KDM5A: variants seen among roughly 807,000 people sequenced by gnomAD.
KDM5A encodes the protein lysine demethylase 5A.
Under a neutral mutation model 193.5 loss-of-function variants are expected in KDM5A, and 42 were observed. The ratio of observed to expected loss-of-function variants is 0.22; its 90% CI spans 0.17 to 0.28. The LOEUF is 0.28. Ranked by LOEUF, KDM5A falls within the 10% of genes least tolerant of loss-of-function variation. The pLI, the probability that KDM5A is intolerant of heterozygous loss-of-function variation, is 1.00. For synonymous variants in KDM5A, 796 were observed against 718.1 expected, an observed-to-expected ratio of 1.11 and a Z score of -1.73; for missense variants, 1,692 against 2,055.1, an observed-to-expected ratio of 0.82 and a Z score of 3.42.
In KDM5A at chr12:354,069, C is replaced by G. The variant is rs745786409; in HGVS notation, c.1029+7G>C. 1.2e-6 allele frequency: 2 copies of G among 1,611,236 alleles called. No individual in the cohort carries two copies. Among genetic ancestry groups the G allele is most frequent in the South Asian group, 2.2e-5 (2 of 91,030 alleles). On this transcript the variant is annotated splice_region_variant and intron_variant, in intron 8 of 27. Transcript: ENST00000399788. ...TAAAAAAGGATCCATAGAGGTTAGA[C>G]GTGTACCTCGGCGACACATTTAGGA...
chr12:377,931 A>T (rs1944528125), intron 3 of KDM5A, among the ~76,000 whole-genome samples: 1 of 152,236 alleles, frequency 6.6e-6, no homozygotes, highest in African/African-American at 2.4e-5. Flanking sequence ...GGGTAGAAGC[A>T]TACTGAGAGA....
chr12:371,695 A>G (rs1333508355), intron 3 of KDM5A, among the ~76,000 whole-genome samples: 1 of 152,078 alleles, frequency 6.6e-6, no homozygotes, highest in African/African-American at 2.4e-5. Flanking sequence ...CTATGTCCTG[A>G]ATGGTACTGC....
In KDM5A at chr12:285,572, A is replaced by G; in HGVS notation, c.4957T>C (p.Tyr1653His). The change falls in exon 28 of 28, where the codon TAC becomes CAC. Residue 1653 changes from tyrosine to histidine, a missense_variant. This residue lies in a region of KDM5A where 23 missense variants were observed against 61.5 expected (regional missense o/e 0.37). Coordinates refer to ENST00000399788, the MANE Select transcript of KDM5A (RefSeq NM_001042603.3). ...VSPEMAENED[Y>H]ICINCAKKQG... ...TTCTTTGCACAGTTTATACAGATGT[A>G]ATCTTCATTTTCAGCCATTTCTGGA... is the stretch of plus-strand genomic sequence containing the variant. The G allele has an allele frequency of 6.2e-7, 1 of 1,614,044 alleles. No homozygotes were observed.
chr12:310,703 G>C (rs1463244403), intron 21 of KDM5A, among the ~76,000 whole-genome samples, 182 bp downstream of exon 21: 4 of 152,180 alleles, frequency 2.6e-5, no homozygotes, highest in African/African-American at 9.6e-5. Context: ...GCTTTTTCTA[G>C]GGACAGCACA....
At chr12:314,112 A>C (rs1943621874) in intron 19 of KDM5A, among the ~76,000 whole-genome samples, 1 of 152,172 alleles carries the variant, frequency 6.6e-6, no homozygotes, top group Non-Finnish European at 1.5e-5. Flanking sequence ...GAAATCGTTC[A>C]TCATCCATGA....
At chr12:364,503 C>T (rs952970424) in intron 4 of KDM5A, among the ~76,000 whole-genome samples, 3 of 144,718 alleles carry the variant, frequency 2.1e-5, no homozygotes, top group East Asian at 4.3e-4. Flanking sequence ...TACACATAAA[C>T]GGCCGGGCGC....
Position 284,043 on chromosome 12 carries a change from A to G in KDM5A, c.*1413T>C, listed in dbSNP as rs1943187043. On this transcript the variant is annotated 3_prime_UTR_variant, in exon 28 of 28. Transcript: ENST00000399788. ...ACACACAAAGGACATATAATTATCT[A>G]TATGAACAAAAGCAAAATGGAAGAT... is the stretch of plus-strand genomic sequence containing the variant. 4.3e-6 allele frequency: 1 copy of G among 233,094 alleles called. No individual in the cohort carries two copies. 14.4% of individuals were successfully genotyped at this position (233,094 alleles called of 1,614,324 possible).
At chr12:329,176 T>A (rs1943831743) in intron 13 of KDM5A, 147 bp from the exon 14 acceptor site, 1 of 718,196 alleles carries the variant, frequency 1.4e-6, no homozygotes, top group South Asian at 1.6e-5. Flanking sequence ...TTCTATTAAC[T>A]GTAAATATTA....
At chr12:301,467 A>G (rs957552807) in intron 24 of KDM5A, among the ~76,000 whole-genome samples, 8 of 152,212 alleles carry the variant, frequency 5.3e-5, no homozygotes, top group Non-Finnish European at 1.0e-4. Context: ...AAAGGCCTTC[A>G]ACAAAATTCA....
intron 9 of KDM5A, 52 bp from the exon 10 acceptor site, chr12:350,831 C>T (rs2137449168): frequency 6.7e-7 from 1 of 1,486,836 alleles, no homozygotes; most frequent in Non-Finnish European, 9.4e-7. Context: ...TAACTATAAC[C>T]CATATAACAT....
At chr12:348,126 A>G (rs1438935658) in intron 10 of KDM5A, among the ~76,000 whole-genome samples, 3 of 152,224 alleles carry the variant, frequency 2.0e-5, no homozygotes, top group African/African-American at 7.2e-5. Context: ...CACTTCTCAA[A>G]AGAAGACATT....
At chr12:291,059 T>C (rs1002248355) in intron 27 of KDM5A, among the ~76,000 whole-genome samples, 1 of 152,066 alleles carries the variant, frequency 6.6e-6, no homozygotes, top group African/African-American at 2.4e-5. Context: ...CAAACTCAGA[T>C]GGAAATAAAT....
intron 12 of KDM5A, among the ~76,000 whole-genome samples, chr12:332,225 T>G (rs1943875198): frequency 6.6e-6 from 1 of 152,212 alleles, no homozygotes; most frequent in Non-Finnish European, 1.5e-5. Context: ...ACTGATACAA[T>G]TTTTACAATT....
intron 20 of KDM5A, among the ~76,000 whole-genome samples, chr12:312,336 A>G (rs1220390321): frequency 6.6e-6 from 1 of 152,180 alleles, no homozygotes; most frequent in Non-Finnish European, 1.5e-5. Flanking sequence ...CTTCCCTTAC[A>G]TGCCTGCTCC....
chr12:350,916 G>A lies in KDM5A; in HGVS notation c.1150-137C>T, dbSNP rs115835122. On this transcript the variant is annotated intron_variant, in intron 9 of 27. Coordinates refer to ENST00000399788, the MANE Select transcript of KDM5A (RefSeq NM_001042603.3). ...CTGATTCCCTAGAGCAGTAAAGACC[G>A]AGATCCTAGCTTTTTCCAATGAGAA... 4.0e-4 allele frequency: 306 copies of A among 766,520 alleles called. 1 individual carries two copies. In the African/African-American group the frequency reaches 4.8e-3, roughly 12 times the overall value. The allele number at this position is 766,520 out of a possible 1,614,324, so 47.5% of individuals were successfully genotyped here.
rs148398656 is a variant in KDM5A, at chr12:284,863, C to T, written c.*593G>A. 9 of 235,076 alleles carry T rather than the reference C, an allele frequency of 3.8e-5. No individual in the cohort carries two copies. Among genetic ancestry groups the T allele is most frequent in the African/African-American group, 1.5e-4 (7 of 45,442 alleles). The allele number at this position is 235,076 out of a possible 1,614,324, so 14.6% of individuals were successfully genotyped here. A position where few individuals can be genotyped will look rare whatever the true frequency, so the allele number is the denominator to read the frequency against. ...GAGAGGTTCTCCTATTTGGGATGTT[C>T]TTCTAGCACAAACAAGCACAAATCG... On this transcript the variant is annotated 3_prime_UTR_variant, in exon 28 of 28. Coordinates refer to ENST00000399788, the MANE Select transcript of KDM5A (RefSeq NM_001042603.3).
In KDM5A at chr12:283,257, C is replaced by T. The variant is rs947705628; in HGVS notation, c.*2199G>A. ...AGATCAACAGGCAAAAAATATTGTG[C>T]TTTCTTGTATAACATCAACCAGAGG... On this transcript the variant is annotated 3_prime_UTR_variant, in exon 28 of 28. Coordinates refer to ENST00000399788, the MANE Select transcript of KDM5A (RefSeq NM_001042603.3). 3 of 231,670 alleles carry T rather than the reference C, an allele frequency of 1.3e-5. No individual in the cohort carries two copies. Among genetic ancestry groups the T allele is most frequent in the African/African-American group, 2.2e-5 (1 of 45,244 alleles). The allele number at this position is 231,670 out of a possible 1,614,324, so 14.4% of individuals were successfully genotyped here. A position where few individuals can be genotyped will look rare whatever the true frequency, so the allele number is the denominator to read the frequency against.
chr12:380,535 G>GT (rs1457988896), intron 3 of KDM5A, among the ~76,000 whole-genome samples: 1 of 152,058 alleles, frequency 6.6e-6, no homozygotes, highest in Non-Finnish European at 1.5e-5. Context: ...GGCCAACATG[G>GT]TAAAAACCCC....
At chr12:350,886 ATCT>A (rs1488677024) in intron 9 of KDM5A, 107 bp from the exon 10 acceptor site, 11 of 1,003,298 alleles carry the variant, frequency 1.1e-5, no homozygotes, top group Non-Finnish European at 1.7e-5. Flanking sequence ...GAGATTAAAA[ATCT>A]TCTGATTCCC....
Sources: gnomAD v4.1 joint callset for allele counts (sites outside exome capture counted in the v4.1 genomes callset) on GRCh38, gnomAD v4.1.1 for gene constraint, gnomAD v4.1.1 regional missense constraint, MANE v1.5 for transcripts, NCBI Gene and HGNC (gene_info 2026-07-23, HGNC 2026-07-21) for gene names.